The following ZNF536 variants were observed in gnomAD, a reference collection of about 807,000 sequenced individuals.
ZNF536 encodes the protein zinc finger protein 536.
Under a neutral mutation model 84.5 loss-of-function variants are expected in ZNF536, and 13 were observed. The observed-to-expected ratio is 0.15, with a 90% confidence interval of 0.10 to 0.24. The LOEUF (loss-of-function observed/expected upper bound fraction) is 0.24. ZNF536 is among the 10% of genes least tolerant of loss of function. ZNF536 has a pLI of 1.00. For missense variants in ZNF536, 1,536 were observed against 1,747.5 expected, an observed-to-expected ratio of 0.88 and a Z score of 2.16; for synonymous variants, 811 against 742.5, an observed-to-expected ratio of 1.09 and a Z score of -1.50.
chr19:30,654,198 C>T (rs78169309), intron 1 of ZNF536, among the ~76,000 whole-genome samples: 2,899 of 152,302 alleles, frequency 0.019, 88 homozygotes, highest in African/African-American at 0.066. Flanking sequence ...GGTGCCCAGG[C>T]TGCGTGGGGC....
chr19:30,437,216 C>T (rs1167653858), intron 1 of ZNF536, among the ~76,000 whole-genome samples: 1 of 151,872 alleles, frequency 6.6e-6, no homozygotes, highest in African/African-American at 2.4e-5. Flanking sequence ...TATTTAGACT[C>T]GTAGCAGCTG....
intron 2 of ZNF536, among the ~76,000 whole-genome samples, chr19:30,306,664 A>G (rs1404656754): frequency 3.3e-5 from 5 of 152,272 alleles, no homozygotes; most frequent in African/African-American, 1.2e-4. Context: ...TGGAAAATAT[A>G]GTTCCAGTAA....
downstream of ZNF536, among the ~76,000 whole-genome samples, chr19:30,562,908 C>A (rs546014978): frequency 6.6e-6 from 1 of 152,288 alleles, no homozygotes; most frequent in South Asian, 2.1e-4. Flanking sequence ...ACAGTATGCT[C>A]TGTCTCTACA....
intron 2 of ZNF536, among the ~76,000 whole-genome samples, chr19:30,333,051 G>A (rs1351697097): frequency 1.3e-5 from 2 of 152,286 alleles, no homozygotes; most frequent in South Asian, 4.1e-4. Context: ...CTTCCTGGTA[G>A]AAATCCTAGG....
intron 2 of ZNF536, among the ~76,000 whole-genome samples, chr19:30,289,547 G>A (rs1901317138): frequency 6.6e-6 from 1 of 152,222 alleles, no homozygotes; most frequent in South Asian, 2.1e-4. Context: ...ACTTCCCCTG[G>A]ATGGCCACAC....
intron 1 of ZNF536, among the ~76,000 whole-genome samples, chr19:30,696,295 TC>T (rs1356632072): frequency 6.6e-6 from 1 of 152,096 alleles, no homozygotes; most frequent in Non-Finnish European, 1.5e-5. Flanking sequence ...CGCTCCCGGC[TC>T]CCCCACTCCA....
chr19:30,461,512 C>G (rs1271785773), intron 2 of ZNF536, among the ~76,000 whole-genome samples: 1 of 152,122 alleles, frequency 6.6e-6, no homozygotes, highest in Non-Finnish European at 1.5e-5. Context: ...ATGGGACCCC[C>G]CTGAGCCCCA....
chr19:30,273,783 G>A lies in ZNF536; in HGVS notation c.-189-10289G>A, dbSNP rs114786951. Among the ~76,000 whole-genome samples, 1,263 of 152,232 alleles carry A rather than the reference G, an allele frequency of 8.3e-3. 22 individuals carry two copies. Among genetic ancestry groups the A allele is most frequent in the African/African-American group, 0.024 (1,006 of 41,536 alleles). The stretch of plus-strand genomic sequence containing the variant: ...TATTTTTATGTGGCCGAGCAGCATC[G>A]ATTTGCATTTGAAACCTGAGATTTT... On this transcript the variant is annotated intron_variant, in intron 1 of 5. Coordinates refer to the ZNF536 transcript ENST00000585628.
Position 30,567,631 on chromosome 19 carries a change from A to G in ZNF536, c.169+18117A>G, listed in dbSNP as rs192539767. ...CTGAGGTCCAGGTCTGAGGGAGCAT[A>G]GAGAGTGGGTGGCCCAGGGCTCCAG... On this transcript the variant is annotated intron_variant, in intron 1 of 1. Transcript: ENST00000592773. 7.7e-4 allele frequency among the ~76,000 whole-genome samples: 117 copies of G among 152,306 alleles called. 1 individual carries two copies. The highest frequency in any genetic ancestry group is 2.5e-3 in the African/African-American group (104 of 41,560).
rs1344153191 is a variant in ZNF536, at chr19:30,572,890, A to T, written c.169+23376A>T. On this transcript the variant is annotated intron_variant, in intron 1 of 1. Transcript: ENST00000592773. ...TCACATGGATAGAGAGCTAGAGCTC[A>T]TCAGGACTTTTAATGGCCATATACA... 2.6e-5 allele frequency among the ~76,000 whole-genome samples: 4 copies of T among 152,214 alleles called. 1 individual carries two copies. The highest frequency in any genetic ancestry group is 4.8e-5 in the African/African-American group (2 of 41,444).
chr19:30,383,703 CTT>C (rs1568376581), intron 1 of ZNF536, among the ~76,000 whole-genome samples: 2 of 35,348 alleles, frequency 5.7e-5, no homozygotes, highest in South Asian at 2.4e-3. Context: ...TTTTCTTTCT[CTT>C]TCTTTCTTTC....
intron 2 of ZNF536, among the ~76,000 whole-genome samples, chr19:30,332,053 GC>G (rs1239163623): frequency 6.6e-6 from 1 of 152,160 alleles, no homozygotes; most frequent in Non-Finnish European, 1.5e-5. Flanking sequence ...AGAAAACCAT[GC>G]AGCTGAGCTG....
chr19:30,626,642 C>T (rs1221878011), intron 1 of ZNF536, among the ~76,000 whole-genome samples: 2 of 152,136 alleles, frequency 1.3e-5, no homozygotes, highest in African/African-American at 4.8e-5. Context: ...GGAGGCCGTC[C>T]GCTGCCCCAA....
chr19:30,351,918 G>C (rs1396994410), intron 2 of ZNF536, among the ~76,000 whole-genome samples: 1 of 152,228 alleles, frequency 6.6e-6, no homozygotes, highest in African/African-American at 2.4e-5. Flanking sequence ...TGGGGGAGAA[G>C]AACAAAGGGA....
At chr19:30,265,965 A>T (rs1276516919) in intron 1 of ZNF536, among the ~76,000 whole-genome samples, 4 of 151,816 alleles carry the variant, frequency 2.6e-5, no homozygotes, top group Non-Finnish European at 5.9e-5. Context: ...ATCACGGCTC[A>T]CTGCAGCCAC....
intron 1 of ZNF536, among the ~76,000 whole-genome samples, chr19:30,698,015 G>A (rs1025237072): frequency 6.6e-6 from 1 of 152,194 alleles, no homozygotes; most frequent in Non-Finnish European, 1.5e-5. Flanking sequence ...ATAGACGTGG[G>A]ATGTGGTGCT....
exon 2 of ZNF536, chr19:30,712,734 T>C (rs915954252): frequency 6.6e-6 from 1 of 152,208 alleles, no homozygotes; most frequent in African/African-American, 2.4e-5. Context: ...TAGTTCTCAC[T>C]GCCTTACTTA....
rs78640869 is a variant in ZNF536 at position 30,629,347 on chromosome 19, G to A, written c.169+79833G>A. Among the ~76,000 whole-genome samples the A allele has an allele frequency of 3.7e-3, 556 of 152,186 alleles. 4 individuals carry two copies. Among genetic ancestry groups the A allele is most frequent in the African/African-American group, 0.013 (537 of 41,526 alleles). On this transcript the variant is annotated intron_variant, in intron 1 of 1. Coordinates refer to the ZNF536 transcript ENST00000592773. ...CCTAAGTAGCTGGGACCACAGGCAG[G>A]TATCACCGTGCCTTTCCAATTTTGT...
chr19:30,326,575 G>T (rs2047031036), intron 2 of ZNF536, among the ~76,000 whole-genome samples: 1 of 152,030 alleles, frequency 6.6e-6, no homozygotes, highest in African/African-American at 2.4e-5. Flanking sequence ...GATGGTGACT[G>T]CCCCCGACGC....
Sources: allele counts gnomAD v4.1 joint callset (sites outside exome capture counted in the v4.1 genomes callset), GRCh38; gene constraint gnomAD v4.1.1; transcripts MANE v1.5; gene names NCBI Gene and HGNC (gene_info 2026-07-23, HGNC 2026-07-21).